The following DLST variants were observed in gnomAD, a reference collection of about 807,000 sequenced individuals.
DLST encodes the protein dihydrolipoyllysine-residue succinyltransferase component of 2-oxoglutarate dehydrogenase complex, mitochondrial.
DLST carries 17 observed loss-of-function variants against 53.1 expected under a neutral mutation model. That is an observed-to-expected ratio of 0.32 (90% CI 0.22 to 0.48). The LOEUF is 0.48. Ranked by LOEUF, DLST falls within the 20% of genes least tolerant of loss-of-function variation. The pLI, the probability that DLST is intolerant of heterozygous loss-of-function variation, is 0.99. For synonymous variants in DLST, 206 were observed against 204.8 expected (o/e 1.01, Z -0.05); for missense variants, 512 against 583.9 (o/e 0.88, Z 1.27).
intron 1 of DLST, 147 bp downstream of exon 1, chr14:74,882,163 G>C: frequency 1.5e-6 from 1 of 681,152 alleles, no homozygotes; most frequent in Admixed American, 4.5e-5. Context: ...GGGCGGCCCG[G>C]GGCCGTGGTT....
At chr14:74,882,440 G>T in intron 1 of DLST, 151 bp from the exon 2 acceptor site, 1 of 704,158 alleles carries the variant, frequency 1.4e-6, no homozygotes, top group South Asian at 1.7e-5. Context: ...GTGTTGATTG[G>T]GTCTGCCAGC....
chr14:74,895,037 G>A (rs1884035319), intron 10 of DLST, among the ~76,000 whole-genome samples: 1 of 152,028 alleles, frequency 6.6e-6, no homozygotes, highest in African/African-American at 2.4e-5. Context: ...AGACCAGCTG[G>A]GTAACAAGGC....
In DLST at chr14:74,881,964, G is replaced by A. The variant is rs774943636; in HGVS notation, c.11G>A (p.Arg4Gln). The A allele has an allele frequency of 1.1e-4, 172 of 1,566,808 alleles. No homozygotes were observed. The highest frequency in any genetic ancestry group is 5.2e-4 in the Middle Eastern group (3 of 5,784). The part of the protein sequence containing the change: MLS[R>Q]SRCVSRAFSR... ...GGCTCCTCCGCCGTGATGCTGTCCC[G>A]ATCCCGCTGTGTGTCTCGGGCGTTC... Residue 4 changes from arginine (R) to glutamine (Q), a missense_variant, in exon 1 of 15, where the codon CGA becomes CAA. Physicochemically the swap from Arg to Gln is conservative, Grantham distance 43. Transcript: ENST00000334220.
intron 14 of DLST, 78 bp downstream of exon 14, chr14:74,901,311 C>A: frequency 7.2e-7 from 1 of 1,382,616 alleles, no homozygotes; most frequent in Non-Finnish European, 1.0e-6. Context: ...AATTGTAAAA[C>A]ATTAACTATA....
At chr14:74,890,979 CATTGGAGATTCTA>C in intron 6 of DLST, 64 bp from the exon 7 acceptor site, 1 of 1,538,264 alleles carries the variant, frequency 6.5e-7, no homozygotes, top group Non-Finnish European at 8.8e-7. Flanking sequence ...TGCCTGGCTT[CATTGGAGATTCTA>C]TACAGCTAAT....
intron 6 of DLST, among the ~76,000 whole-genome samples, chr14:74,890,614 G>A (rs183632103): frequency 2.0e-4 from 30 of 152,280 alleles, no homozygotes; most frequent in Admixed American, 2.0e-3. Context: ...TCACAGTAGC[G>A]ATGACTTGTT....
chr14:74,891,343 A>G, intron 7 of DLST, 176 bp downstream of exon 7: 1 of 1,383,734 alleles, frequency 7.2e-7, no homozygotes, highest in Non-Finnish European at 9.4e-7. Flanking sequence ...AAATTCTAAA[A>G]GAAAAGTGTA....
Position 74,891,039 on chromosome 14 carries a change from C to G in DLST, c.331-17C>G. The G allele has an allele frequency of 6.2e-7, 1 of 1,602,398 alleles. No homozygotes were observed. On this transcript the variant is annotated splice_polypyrimidine_tract_variant and intron_variant, in intron 6 of 14. Coordinates refer to ENST00000334220, the MANE Select transcript of DLST (RefSeq NM_001933.5). The stretch of plus-strand genomic sequence containing the variant: ...GGATAAACATTTGGACTTCCTCCAT[C>G]TGTCTTCCTCTTCCAGACATCTGTG...
chr14:74,891,959 T>C (rs757398007), intron 7 of DLST: 49 of 593,106 alleles, frequency 8.3e-5, no homozygotes, highest in Non-Finnish European at 9.8e-5. Flanking sequence ...CTGGATATAA[T>C]GTCCAGATGG....
At chr14:74,888,041 T>C (rs2140189229) in intron 3 of DLST, among the ~76,000 whole-genome samples, 1 of 152,328 alleles carries the variant, frequency 6.6e-6, no homozygotes, top group Non-Finnish European at 1.5e-5. Context: ...AGAGATACCA[T>C]ATATGTCTAC....
chr14:74,894,877 G>T (rs571166849), intron 10 of DLST, among the ~76,000 whole-genome samples: 2 of 152,130 alleles, frequency 1.3e-5, no homozygotes, highest in Admixed American at 6.5e-5. Flanking sequence ...AGAGTGAGCC[G>T]CTGGCTTCTT....
In DLST at chr14:74,889,897, C is replaced by T; in HGVS notation, c.275C>T (p.Ala92Val). The change falls in exon 6 of 15, where the codon GCT (alanine) becomes GTT (valine). Residue 92 changes from alanine to valine, a missense_variant and splice_region_variant. By Grantham distance (64) the Ala-to-Val change is moderately conservative (BLOSUM62 0). Around this residue, in one of 4 missense-constraint regions of DLST, gnomAD observed 35 missense variants for 70.5 expected, o/e 0.50. Coordinates refer to ENST00000334220, the MANE Select transcript of DLST (RefSeq NM_001933.5). Reference sequence around the variant, plus strand: ...TTGTAGCCTTTGATTGTCTTTTCAGCTGTTGGAGACACAGTTGCAGAAGAT... The same window carrying T: ...TTGTAGCCTTTGATTGTCTTTTCAGTTGTTGGAGACACAGTTGCAGAAGAT... ...VTEGDVRWEK[A>V]VGDTVAEDEV... 1 of 1,613,902 alleles carries T rather than the reference C, an allele frequency of 6.2e-7. No homozygotes were observed. Among genetic ancestry groups the T allele is most frequent in the African/African-American group, 1.3e-5 (1 of 75,014 alleles).
intron 12 of DLST, 125 bp from the exon 13 acceptor site, chr14:74,900,162 TTC>T (rs1884197412): frequency 9.0e-7 from 1 of 1,109,116 alleles, no homozygotes; most frequent in Non-Finnish European, 1.4e-6. Flanking sequence ...TTTTAACACT[TTC>T]TGTTAATCAC....
chr14:74,893,283 TG>T, intron 8 of DLST, 64 bp from the exon 9 acceptor site: 1 of 1,575,866 alleles, frequency 6.3e-7, no homozygotes, highest in Admixed American at 1.7e-5. Context: ...ATGAAAGCAC[TG>T]GCACAAACTC....
At chr14:74,888,735 G>C (rs1293585500) in intron 3 of DLST, among the ~76,000 whole-genome samples, 2 of 152,062 alleles carry the variant, frequency 1.3e-5, no homozygotes, top group Non-Finnish European at 2.9e-5. Context: ...AAATCAAGAA[G>C]CTAAGTCATT....
rs920090360 is a variant in DLST at position 74,902,470 on chromosome 14, T to C, written c.*140T>C. The C allele has an allele frequency of 1.8e-5, 19 of 1,035,852 alleles. No individual in the cohort carries two copies. Among genetic ancestry groups the C allele is most frequent in the Non-Finnish European group, 2.4e-5 (18 of 748,828 alleles). 64.2% of individuals were successfully genotyped at this position (1,035,852 alleles called of 1,614,324 possible). A position where few individuals can be genotyped will look rare whatever the true frequency, so the allele number is the denominator to read the frequency against. On this transcript the variant is annotated 3_prime_UTR_variant, in exon 15 of 15. Coordinates refer to ENST00000334220, the MANE Select transcript of DLST (RefSeq NM_001933.5). The stretch of plus-strand genomic sequence containing the variant: ...TCAAGCAAGGAAGCAGAGCACTGTG[T>C]AACCAGCAGTCACAGGTCTTTTCTT...
chr14:74,884,862 CAT>C (rs1406256900), intron 2 of DLST, among the ~76,000 whole-genome samples: 1 of 152,050 alleles, frequency 6.6e-6, no homozygotes, highest in East Asian at 1.9e-4. Context: ...AGAAAAAAGA[CAT>C]AAGAAAGAAT....
chr14:74,885,096 C>T (rs534129819), intron 2 of DLST, among the ~76,000 whole-genome samples: 17 of 152,268 alleles, frequency 1.1e-4, no homozygotes, highest in African/African-American at 4.1e-4. Flanking sequence ...CAAGTCTTTG[C>T]TACTAGGATT....
At position 74,898,595 on chromosome 14, in the gene DLST, T is replaced by G. The variant is rs28521313; in HGVS notation, c.901+96T>G. 1.4e-3 allele frequency: 1,953 copies of G among 1,407,006 alleles called. 24 individuals are homozygous for G. The African/African-American group carries it at 0.025, about 18-fold the overall frequency. 87.2% of individuals were successfully genotyped at this position (1,407,006 alleles called of 1,614,324 possible). A position where few individuals can be genotyped will look rare whatever the true frequency, so the allele number is the denominator to read the frequency against. ...TGCAGAGGATCAACAGACCAAGGCT[T>G]TTTATTTGCTACCTATAGAAATATC... On this transcript the variant is annotated intron_variant, in intron 11 of 14. Coordinates refer to ENST00000334220, the MANE Select transcript of DLST (RefSeq NM_001933.5).
Sources: allele counts gnomAD v4.1 joint callset (sites outside exome capture counted in the v4.1 genomes callset), GRCh38; gene constraint gnomAD v4.1.1; regional missense constraint gnomAD v4.1.1; transcripts MANE v1.5; gene names NCBI Gene and HGNC (gene_info 2026-07-23, HGNC 2026-07-21).